The following DACH1 variants were observed in gnomAD, a reference collection of about 807,000 sequenced individuals.
DACH1 encodes the protein dachshund family transcription factor 1, also known as dachshund homolog 1.
A neutral mutation model predicts 54.2 loss-of-function variants in DACH1; 12 were observed. The ratio of observed to expected loss-of-function variants is 0.22; its 90% CI spans 0.14 to 0.36. DACH1 has a LOEUF of 0.36. DACH1 is among the 10% of genes least tolerant of loss of function. The pLI is 1.00. For synonymous variants in DACH1, 386 were observed against 366.2 expected, an observed-to-expected ratio of 1.05 and a Z score of -0.62; for missense variants, 805 against 929.8, an observed-to-expected ratio of 0.87 and a Z score of 1.75.
chr13:71,792,447 G>A (rs941173624), intron 1 of DACH1, among the ~76,000 whole-genome samples: 1 of 152,066 alleles, frequency 6.6e-6, no homozygotes, highest in Non-Finnish European at 1.5e-5. Flanking sequence ...TGAAGATGGT[G>A]GCTAACGGTT....
intron 6 of DACH1, among the ~76,000 whole-genome samples, chr13:71,545,618 G>C (rs1020558111): frequency 3.3e-5 from 5 of 151,580 alleles, no homozygotes; most frequent in African/African-American, 1.2e-4. Flanking sequence ...GGATGAACCT[G>C]TGAAACATTC....
At position 71,666,366 on chromosome 13, in the gene DACH1, A is replaced by T. The variant is rs187891181; in HGVS notation, c.964+15429T>A. Reference sequence around the variant, plus strand: ...TGGAAGCAAATTTCAAATATTTTTCATTTGTCAAAATATTCTTTATTGTGG... The same window carrying T: ...TGGAAGCAAATTTCAAATATTTTTCTTTTGTCAAAATATTCTTTATTGTGG... On this transcript the variant is annotated intron_variant, in intron 2 of 10. Transcript: ENST00000613252. Among the ~76,000 whole-genome samples, 3 of 152,278 alleles carry T rather than the reference A, an allele frequency of 2.0e-5. No individual in the cohort carries two copies. The East Asian group carries it at 5.8e-4, about 29-fold the overall frequency.
At chr13:71,513,225 T>C (rs1173265472) in intron 6 of DACH1, among the ~76,000 whole-genome samples, 1 of 152,014 alleles carries the variant, frequency 6.6e-6, no homozygotes, top group African/African-American at 2.4e-5. Flanking sequence ...CATTGTCATC[T>C]TGTTTATACT....
intron 1 of DACH1, among the ~76,000 whole-genome samples, chr13:71,759,142 T>A (rs1885293872): frequency 6.6e-6 from 1 of 152,106 alleles, no homozygotes; most frequent in South Asian, 2.1e-4. Context: ...CTTGAGAGTC[T>A]GACAGTTCAC....
intron 1 of DACH1, among the ~76,000 whole-genome samples, chr13:71,834,478 A>G (rs1888706502): frequency 1.3e-5 from 2 of 152,036 alleles, no homozygotes; most frequent in Non-Finnish European, 2.9e-5. Flanking sequence ...TGTGCCCAAG[A>G]GCACCTCTGA....
intron 1 of DACH1, among the ~76,000 whole-genome samples, chr13:71,749,348 T>C (rs750182821): frequency 2.0e-5 from 3 of 152,112 alleles, no homozygotes; most frequent in Non-Finnish European, 2.9e-5. Context: ...ATTATGAAGA[T>C]TTTAATTTGC....
At chr13:71,468,212 C>T (rs886333808) in intron 10 of DACH1, among the ~76,000 whole-genome samples, 6 of 152,116 alleles carry the variant, frequency 3.9e-5, no homozygotes, top group African/African-American at 1.2e-4. Flanking sequence ...TCAGTGTTTA[C>T]CAATTGCCAA....
intron 6 of DACH1, among the ~76,000 whole-genome samples, chr13:71,545,929 C>T (rs974649005): frequency 1.3e-5 from 2 of 152,170 alleles, no homozygotes; most frequent in East Asian, 1.9e-4. Flanking sequence ...GGCAGAGAGG[C>T]ATGCAGTAAT....
At chr13:71,507,216 A>G (rs927000439) in intron 6 of DACH1, among the ~76,000 whole-genome samples, 4 of 152,132 alleles carry the variant, frequency 2.6e-5, no homozygotes, top group African/African-American at 9.7e-5. Context: ...GATCATTCAT[A>G]TTAGTGTTTC....
intron 6 of DACH1, among the ~76,000 whole-genome samples, chr13:71,553,012 T>A (rs954242915): frequency 6.8e-6 from 1 of 147,816 alleles, no homozygotes; most frequent in Non-Finnish European, 1.5e-5. Context: ...TGAAACCCTG[T>A]CTCTACTAAA....
At chr13:71,531,302 A>T (rs1202694254) in intron 6 of DACH1, among the ~76,000 whole-genome samples, 1 of 152,128 alleles carries the variant, frequency 6.6e-6, no homozygotes, top group Non-Finnish European at 1.5e-5. Context: ...CTATTTCAGA[A>T]CATAACCAAA....
chr13:71,716,110 C>T (rs1327295894), intron 1 of DACH1, among the ~76,000 whole-genome samples: 1 of 151,928 alleles, frequency 6.6e-6, no homozygotes. Flanking sequence ...AAACCAGAGC[C>T]CAGAGAGTCT....
intron 7 of DACH1, among the ~76,000 whole-genome samples, chr13:71,480,393 G>A (rs1877923782): frequency 6.6e-6 from 1 of 152,086 alleles, no homozygotes; most frequent in Admixed American, 6.6e-5. Context: ...ATATAAATAT[G>A]TATATATTTT....
At position 71,445,333 on chromosome 13, in the gene DACH1, C is replaced by T. The variant is rs530071710; in HGVS notation, c.2084-4641G>A. ...CCAGTAATAAGTATTTCATAAGCAT[C>T]TTTACCATGGGTACTATATAAAACA... is the stretch of plus-strand genomic sequence containing the variant. On this transcript the variant is annotated intron_variant, in intron 10 of 10. Transcript: ENST00000613252. Among the ~76,000 whole-genome samples, 9 of 152,274 alleles carry T rather than the reference C, an allele frequency of 5.9e-5. No individual in the cohort carries two copies. In the South Asian group the frequency reaches 1.9e-3, roughly 32 times the overall value.
At chr13:71,731,638 C>T (rs1883752513) in intron 1 of DACH1, among the ~76,000 whole-genome samples, 1 of 152,022 alleles carries the variant, frequency 6.6e-6, no homozygotes, top group Non-Finnish European at 1.5e-5. Flanking sequence ...TACCTAATTC[C>T]CATGGTTGTA....
chr13:71,848,210 C>T (rs1240595205), intron 1 of DACH1, among the ~76,000 whole-genome samples: 2 of 122,374 alleles, frequency 1.6e-5, no homozygotes, highest in Non-Finnish European at 3.1e-5. Context: ...CCATTATCCC[C>T]CCCCAAAAAA....
chr13:71,573,394 T>G (rs1885336644), intron 3 of DACH1: 1 of 713,758 alleles, frequency 1.4e-6, no homozygotes, highest in Non-Finnish European at 2.6e-6. Flanking sequence ...CTATGATTTT[T>G]AATACTAAAG....
chr13:71,754,644 G>A (rs983136673), intron 1 of DACH1, among the ~76,000 whole-genome samples: 4 of 151,820 alleles, frequency 2.6e-5, no homozygotes, highest in African/African-American at 9.7e-5. Context: ...TAATACCCCA[G>A]GGTGTCTCAC....
At chr13:71,785,988 C>T (rs1415829932) in intron 1 of DACH1, among the ~76,000 whole-genome samples, 1 of 152,076 alleles carries the variant, frequency 6.6e-6, no homozygotes, top group African/African-American at 2.4e-5. Context: ...GAGGGGCAGG[C>T]ATTGGTGGAC....
Sources: gnomAD v4.1 joint callset for allele counts (sites outside exome capture counted in the v4.1 genomes callset) on GRCh38, gnomAD v4.1.1 for gene constraint, MANE v1.5 for transcripts, NCBI Gene and HGNC (gene_info 2026-07-23, HGNC 2026-07-21) for gene names.